Variants in PAX2 observed in about 807,000 individuals in gnomAD.
PAX2 encodes the protein paired box 2, also known as paired box protein Pax-2.
Under a neutral mutation model 41.7 loss-of-function variants are expected in PAX2, and 9 were observed. That is an observed-to-expected ratio of 0.22 (90% CI 0.13 to 0.38). The LOEUF (loss-of-function observed/expected upper bound fraction) is 0.38. PAX2 is among the 10% of genes least tolerant of loss of function. PAX2 has a pLI of 1.00. For missense variants in PAX2, 418 were observed against 531.6 expected (o/e 0.79, Z 2.10); for synonymous variants, 221 against 212.7 (o/e 1.04, Z -0.34).
intron 1 of PAX2, among the ~76,000 whole-genome samples, chr10:100,737,990 G>T (rs1844832030): frequency 6.6e-6 from 1 of 152,248 alleles, no homozygotes; most frequent in Non-Finnish European, 1.5e-5. Context: ...GTGGTCTTCA[G>T]CTATCGCTGC....
At chr10:100,819,662 A>AC (rs1420806160) in intron 7 of PAX2, among the ~76,000 whole-genome samples, 1 of 152,210 alleles carries the variant, frequency 6.6e-6, no homozygotes, top group Non-Finnish European at 1.5e-5. Context: ...TGTTAAGGAC[A>AC]CCGCCCAGCA....
Position 100,791,563 on chromosome 10 carries a change from A to C in PAX2, c.616+10198A>C, listed in dbSNP as rs1847120286. ...GCTGGATTCCATCCAACAGCCTCCC[A>C]GAGCCTGCCAAACAGCTCCTGAAGC... On this transcript the variant is annotated intron_variant, in intron 5 of 9. Coordinates refer to ENST00000355243, the MANE Select transcript of PAX2 (RefSeq NM_000278.5). This position sits in a 1 kb window ranked among gnomAD's most constrained non-coding sequence, Gnocchi z 4.5. Among the ~76,000 whole-genome samples, 1 of 152,228 alleles carries C rather than the reference A, an allele frequency of 6.6e-6. No individual in the cohort carries two copies. Among genetic ancestry groups the C allele is most frequent in the African/African-American group, 2.4e-5 (1 of 41,462 alleles).
chr10:100,801,945 A>G (rs1208768622), intron 5 of PAX2, among the ~76,000 whole-genome samples: 1 of 152,222 alleles, frequency 6.6e-6, no homozygotes, highest in East Asian at 1.9e-4. Context: ...AATGGTTATC[A>G]TAGTAGTTCC....
intron 5 of PAX2, among the ~76,000 whole-genome samples, chr10:100,787,834 A>G (rs1846932945): frequency 6.6e-6 from 1 of 151,934 alleles, no homozygotes; most frequent in Non-Finnish European, 1.5e-5. Flanking sequence ...GAGCCACTGG[A>G]CTATGGGGGA....
Position 100,828,709 on chromosome 10 carries a change from G to T in PAX2, c.*1090G>T, listed in dbSNP as rs1033814958. On this transcript the variant is annotated 3_prime_UTR_variant, in exon 10 of 10. Transcript: ENST00000355243. This position sits in a 1 kb window ranked among gnomAD's most constrained non-coding sequence, Gnocchi z 6.5. ...GTCTGAGCTGCTGCGGGGTGGAAGT[G>T]GGGGGCTGCCCACTCCACTCCTCCC... 2.6e-5 allele frequency: 6 copies of T among 231,358 alleles called. No homozygotes were observed. The highest frequency in any genetic ancestry group is 5.1e-5 in the Non-Finnish European group (6 of 118,060). 14.3% of individuals were successfully genotyped at this position (231,358 alleles called of 1,614,324 possible). A position where few individuals can be genotyped will look rare whatever the true frequency, so the allele number is the denominator to read the frequency against.
chr10:100,735,480 T>C (rs1844756882), exon 1 of PAX2: 1 of 239,078 alleles, frequency 4.2e-6, no homozygotes. Flanking sequence ...GAACCCGGGC[T>C]CCTCGGGGTG....
intron 3 of PAX2, among the ~76,000 whole-genome samples, chr10:100,769,583 T>C (rs1388352777): frequency 1.3e-5 from 2 of 149,072 alleles, no homozygotes; most frequent in African/African-American, 5.0e-5. Context: ...ATTGTGCCAT[T>C]GTACTCCAGC....
chr10:100,805,912 C>T (rs1027846910), intron 5 of PAX2, among the ~76,000 whole-genome samples: 4 of 152,162 alleles, frequency 2.6e-5, no homozygotes, highest in Admixed American at 6.5e-5. Context: ...TCCCTCAGGG[C>T]GAAGTTGATT....
intron 5 of PAX2, among the ~76,000 whole-genome samples, chr10:100,788,441 G>T (rs1334156618): frequency 2.6e-5 from 4 of 152,258 alleles, no homozygotes; most frequent in African/African-American, 9.6e-5. Context: ...AAGACCAGAG[G>T]CTGCCACTGC....
chr10:100,746,001 G>T lies in PAX2; in HGVS notation c.-260G>T. The T allele has an allele frequency of 7.3e-7, 1 of 1,376,906 alleles. No individual in the cohort carries two copies. Among genetic ancestry groups the T allele is most frequent in the South Asian group, 1.6e-5 (1 of 60,910 alleles). 85.3% of individuals were successfully genotyped at this position (1,376,906 alleles called of 1,614,324 possible). On this transcript the variant is annotated 5_prime_UTR_variant, in exon 1 of 10. Coordinates refer to ENST00000355243, the MANE Select transcript of PAX2 (RefSeq NM_000278.5). ...CCCCGGCCCGGCCCACCGCCCCGGG[G>T]CCATTCTGCTGACCGCCCAGCCCCG...
chr10:100,756,924 G>A (rs1438997954), intron 3 of PAX2, among the ~76,000 whole-genome samples: 1 of 152,190 alleles, frequency 6.6e-6, no homozygotes, highest in Non-Finnish European at 1.5e-5. Flanking sequence ...AAGGGCTCCT[G>A]AAACTGAGAT....
At position 100,750,519 on chromosome 10, in the gene PAX2, C is replaced by T. The variant is rs910321618; in HGVS notation, c.213-175C>T. Among the ~76,000 whole-genome samples the T allele has an allele frequency of 1.3e-5, 2 of 152,208 alleles. No individual in the cohort carries two copies. Among genetic ancestry groups the T allele is most frequent in the Admixed American group, 6.5e-5 (1 of 15,286 alleles). On this transcript the variant is annotated intron_variant, in intron 2 of 9. Transcript: ENST00000355243. This position sits in a 1 kb window ranked among gnomAD's most constrained non-coding sequence, Gnocchi z 4.1. ...TGGTACCCCTTGTCCTCCTACTCCGCGGCGCTCCTCCTAGCCAGGCACCCT... is the reference window on the plus strand; with the variant it reads ...TGGTACCCCTTGTCCTCCTACTCCGTGGCGCTCCTCCTAGCCAGGCACCCT...
intron 3 of PAX2, among the ~76,000 whole-genome samples, chr10:100,751,142 A>T (rs576697308): frequency 4.3e-4 from 66 of 152,246 alleles, no homozygotes; most frequent in African/African-American, 1.5e-3. Context: ...AATGAATCCA[A>T]GTGTTTGTGG....
chr10:100,742,842 CCTTTTTTTTTTTTTTT>C, upstream of PAX2, among the ~76,000 whole-genome samples: 1 of 70,302 alleles, frequency 1.4e-5, no homozygotes, highest in Non-Finnish European at 2.8e-5. Flanking sequence ...CTTCTTTCTT[CCTTTTTTTTTTTTTTT>C]TTTTTTTTTT....
At chr10:100,797,283 AT>A (rs1291464057) in intron 5 of PAX2, among the ~76,000 whole-genome samples, 4 of 152,244 alleles carry the variant, frequency 2.6e-5, no homozygotes, top group Admixed American at 6.5e-5. Context: ...CTTATTGGCT[AT>A]CATAAGTTGT....
chr10:100,760,214 G>A (rs952833392), intron 3 of PAX2, among the ~76,000 whole-genome samples: 46 of 152,296 alleles, frequency 3.0e-4, no homozygotes, highest in African/African-American at 1.1e-3. Flanking sequence ...CTGGCTCCCA[G>A]GGAACTCTCG....
intron 5 of PAX2, among the ~76,000 whole-genome samples, chr10:100,793,915 T>C (rs1179953119): frequency 6.6e-6 from 1 of 152,166 alleles, no homozygotes; most frequent in Non-Finnish European, 1.5e-5. Flanking sequence ...GGCAAGGCTG[T>C]TGCACTCAGA....
chr10:100,821,034 G>GGCC (rs1848365268), intron 7 of PAX2, among the ~76,000 whole-genome samples: 1 of 152,150 alleles, frequency 6.6e-6, no homozygotes, highest in South Asian at 2.1e-4. Context: ...TCCATCTATA[G>GGCC]TACAGCAAGG....
At chr10:100,788,869 C>T (rs1846982940) in intron 5 of PAX2, among the ~76,000 whole-genome samples, 1 of 148,786 alleles carries the variant, frequency 6.7e-6, no homozygotes, top group Admixed American at 6.6e-5. Context: ...TGCACACACA[C>T]CCCCCCCGAC....
Sources: allele counts gnomAD v4.1 joint callset (sites outside exome capture counted in the v4.1 genomes callset), GRCh38; gene constraint gnomAD v4.1.1; non-coding constraint Gnocchi (gnomAD v3.1); transcripts MANE v1.5; gene names NCBI Gene and HGNC (gene_info 2026-07-23, HGNC 2026-07-21).